The following PTPRD variants were observed in gnomAD, a reference collection of about 807,000 sequenced individuals.
PTPRD encodes the protein protein tyrosine phosphatase receptor type D.
In PTPRD, 34 loss-of-function variants were observed where a neutral mutation model predicts 214.5. The ratio of observed to expected loss-of-function variants is 0.16; its 90% CI spans 0.12 to 0.21. The LOEUF (loss-of-function observed/expected upper bound fraction) is 0.21, where lower values mean the gene tolerates loss of function less well. PTPRD is among the 10% of genes least tolerant of loss of function. The pLI, the probability that PTPRD is intolerant of heterozygous loss-of-function variation, is 1.00. For missense variants in PTPRD, 2,545 were observed against 2,398.7 expected, an observed-to-expected ratio of 1.06 and a Z score of -1.27; for synonymous variants, 1,128 against 845.7, an observed-to-expected ratio of 1.33 and a Z score of -5.79.
intron 11 of PTPRD, among the ~76,000 whole-genome samples, chr9:8,836,783 A>T (rs1173267247): frequency 6.6e-6 from 1 of 151,414 alleles, no homozygotes; most frequent in Non-Finnish European, 1.5e-5. Context: ...TTTTTATTAG[A>T]GATGGGGTTT....
At chr9:8,433,026 TAA>T (rs1044180993) in intron 35 of PTPRD, among the ~76,000 whole-genome samples, 4 of 152,350 alleles carry the variant, frequency 2.6e-5, no homozygotes, top group Admixed American at 1.3e-4. Context: ...ATTCCACATT[TAA>T]AAGAGGCCAG....
Position 10,605,424 on chromosome 9 carries a change from G to A in PTPRD, c.-600+6974C>T, listed in dbSNP as rs561141696. On this transcript the variant is annotated intron_variant, in intron 2 of 45. Coordinates refer to ENST00000381196, the MANE Select transcript of PTPRD (RefSeq NM_002839.4). ...TGTGTCAATATTAGGATAGTACGGC[G>A]TATTTTTATCATGCTTTACTGCCTT... 5.9e-5 allele frequency among the ~76,000 whole-genome samples: 9 copies of A among 151,920 alleles called. No individual in the cohort carries two copies. The South Asian group carries it at 6.2e-4, about 10-fold the overall frequency.
chr9:10,107,567 C>T (rs2098647000), intron 3 of PTPRD, among the ~76,000 whole-genome samples: 1 of 152,050 alleles, frequency 6.6e-6, no homozygotes, highest in Non-Finnish European at 1.5e-5. Context: ...AATGATGATG[C>T]TAAGTACACG....
In PTPRD at chr9:8,341,280, G is replaced by GAAA; in HGVS notation, c.4948-15_4948-13dup. 7.4e-6 allele frequency: 9 copies of GAAA among 1,208,258 alleles called. No homozygotes were observed. In the Admixed American group the frequency reaches 7.6e-5, roughly 10 times the overall value. 74.8% of individuals were successfully genotyped at this position (1,208,258 alleles called of 1,614,324 possible). ...GAGCTGGCTAGACGCTGTTGAATAG[G>GAAA]AAAAAAAAAAAAGGAAAAACCCAAC... is the stretch of plus-strand genomic sequence containing the variant. On this transcript the variant is annotated splice_polypyrimidine_tract_variant and intron_variant, in intron 40 of 45. Transcript: ENST00000381196.
At chr9:10,445,551 T>C (rs1219692697) in intron 2 of PTPRD, among the ~76,000 whole-genome samples, 1 of 152,108 alleles carries the variant, frequency 6.6e-6, no homozygotes, top group African/African-American at 2.4e-5. Flanking sequence ...ATACAGGACT[T>C]AGTAACCAGT....
At chr9:8,945,160 G>C (rs1343395470) in intron 11 of PTPRD, among the ~76,000 whole-genome samples, 2 of 151,520 alleles carry the variant, frequency 1.3e-5, no homozygotes, top group African/African-American at 4.8e-5. Flanking sequence ...TTGAACTCTG[G>C]ATCGGTTTGT....
intron 12 of PTPRD, chr9:8,713,643 A>G: frequency 6.6e-7 from 1 of 1,526,476 alleles, no homozygotes; most frequent in Non-Finnish European, 9.0e-7. Context: ...AGTGCTACCG[A>G]GACATGGGCG....
intron 34 of PTPRD, 114 bp from the exon 35 acceptor site, chr9:8,436,803 A>G (rs1021178852): frequency 1.2e-6 from 1 of 808,138 alleles, no homozygotes; most frequent in South Asian, 1.7e-5. Flanking sequence ...TGTGAGTAGT[A>G]AAGATGTTTT....
At position 8,719,007 on chromosome 9, in the gene PTPRD, GC is replaced by G. The variant is rs552537551; in HGVS notation, c.64+14772del. Among the ~76,000 whole-genome samples the G allele has an allele frequency of 2.7e-3, 414 of 152,240 alleles. 4 individuals carry two copies. Among genetic ancestry groups the G allele is most frequent in the African/African-American group, 9.6e-3 (397 of 41,546 alleles). ...TGATCAAATTCACCATGACTTTTGT[GC>G]TTTTATTTGCCTTTATGAAACCAAT... is the stretch of plus-strand genomic sequence containing the variant. On this transcript the variant is annotated intron_variant, in intron 12 of 45. Transcript: ENST00000381196.
intron 8 of PTPRD, among the ~76,000 whole-genome samples, chr9:9,463,556 C>T (rs7871096): frequency 0.24 from 36,526 of 151,960 alleles, 4,677 homozygotes; most frequent in African/African-American, 0.31. Context: ...TTTCCTATCA[C>T]CTACTTCCTT....
chr9:9,780,896 C>A (rs1019497915), intron 5 of PTPRD, among the ~76,000 whole-genome samples: 1 of 152,116 alleles, frequency 6.6e-6, no homozygotes, highest in African/African-American at 2.4e-5. Context: ...ATGGAGGAAC[C>A]TGAATAACAA....
intron 8 of PTPRD, among the ~76,000 whole-genome samples, chr9:9,427,860 G>C (rs1471316727): frequency 6.6e-6 from 1 of 152,148 alleles, no homozygotes; most frequent in African/African-American, 2.4e-5. Flanking sequence ...ACAAACAAAT[G>C]CTGAGAGATT....
chr9:10,534,799 A>G (rs2057357464), intron 2 of PTPRD, among the ~76,000 whole-genome samples: 1 of 152,216 alleles, frequency 6.6e-6, no homozygotes, highest in Non-Finnish European at 1.5e-5. Context: ...TCATTTAATT[A>G]GTCCTCTCAT....
At chr9:10,499,273 T>G (rs1475883053) in intron 2 of PTPRD, among the ~76,000 whole-genome samples, 1 of 151,962 alleles carries the variant, frequency 6.6e-6, no homozygotes, top group African/African-American at 2.4e-5. Flanking sequence ...TGTGAGAACA[T>G]GCAGTGTTTG....
At chr9:9,372,742 G>C (rs922362277) in intron 9 of PTPRD, among the ~76,000 whole-genome samples, 4 of 152,110 alleles carry the variant, frequency 2.6e-5, no homozygotes, top group African/African-American at 9.7e-5. Context: ...TTTTCGCAGT[G>C]GCTGGTACTG....
intron 7 of PTPRD, among the ~76,000 whole-genome samples, chr9:9,599,557 G>T (rs963032213): frequency 6.6e-6 from 1 of 151,860 alleles, no homozygotes; most frequent in Admixed American, 6.6e-5. Context: ...CTATTCTTCA[G>T]GTATCTTAAT....
chr9:8,345,657 A>C (rs1372433426), intron 39 of PTPRD, among the ~76,000 whole-genome samples: 1 of 152,096 alleles, frequency 6.6e-6, no homozygotes, highest in Non-Finnish European at 1.5e-5. Context: ...AAATCAGCCC[A>C]AAATAATTGT....
At chr9:9,710,541 G>C (rs1422831517) in intron 7 of PTPRD, among the ~76,000 whole-genome samples, 1 of 151,804 alleles carries the variant, frequency 6.6e-6, no homozygotes, top group Non-Finnish European at 1.5e-5. Context: ...TGGTGGATTT[G>C]AAGGATTGCT....
intron 3 of PTPRD, among the ~76,000 whole-genome samples, chr9:10,282,571 T>C (rs2095174265): frequency 6.6e-6 from 1 of 152,142 alleles, no homozygotes; most frequent in African/African-American, 2.4e-5. Flanking sequence ...AGCAGATAAA[T>C]TACCCTAATG....
Sources: allele counts gnomAD v4.1 joint callset (sites outside exome capture counted in the v4.1 genomes callset), GRCh38; gene constraint gnomAD v4.1.1; transcripts MANE v1.5; gene names NCBI Gene and HGNC (gene_info 2026-07-23, HGNC 2026-07-21).